Variants in ANO4 observed in about 807,000 individuals in gnomAD.
ANO4 encodes anoctamin-4.
ANO4 carries 69 observed loss-of-function variants against 141.9 expected under a neutral mutation model. The ratio of observed to expected loss-of-function variants is 0.49; its 90% CI spans 0.40 to 0.59. ANO4 has a LOEUF of 0.59. Among genes scored for constraint, ANO4 ranks in the 20% least tolerant of loss-of-function variants. ANO4 has a pLI of 0.00. For synonymous variants in ANO4, 350 were observed against 394.3 expected, an observed-to-expected ratio of 0.89 and a Z score of 1.33; for missense variants, 894 against 1,162.2, an observed-to-expected ratio of 0.77 and a Z score of 3.36.
intron 25 of ANO4, among the ~76,000 whole-genome samples, chr12:101,117,589 A>C (rs1223495989): frequency 6.6e-6 from 1 of 152,196 alleles, no homozygotes; most frequent in African/African-American, 2.4e-5. Flanking sequence ...TCACACCTGT[A>C]ATCCCAGCAC....
chr12:100,750,511 G>T (rs1362010858), intron 3 of ANO4, among the ~76,000 whole-genome samples: 1 of 152,036 alleles, frequency 6.6e-6, no homozygotes, highest in Non-Finnish European at 1.5e-5. Flanking sequence ...TTGGGATTCA[G>T]TACAAGACAC....
At chr12:101,082,907 C>T (rs937348610) in intron 15 of ANO4, among the ~76,000 whole-genome samples, 10 of 152,228 alleles carry the variant, frequency 6.6e-5, no homozygotes, top group Non-Finnish European at 1.0e-4. Flanking sequence ...GCTTAATTAA[C>T]GGGAACCACA....
chr12:100,824,691 G>C (rs981159543), intron 1 of ANO4, among the ~76,000 whole-genome samples: 2 of 152,036 alleles, frequency 1.3e-5, no homozygotes, highest in African/African-American at 4.8e-5. Context: ...AACATTGGCA[G>C]CCAGTGGGGA....
At position 101,097,630 on chromosome 12, in the gene ANO4, GT is replaced by G; in HGVS notation, c.1851-16del. The G allele has an allele frequency of 6.2e-7, 1 of 1,612,484 alleles. No homozygotes were observed. On this transcript the variant is annotated intron_variant, in intron 19 of 27. Coordinates refer to ENST00000392977, the MANE Select transcript of ANO4 (RefSeq NM_001286615.2). ...CTTGGACCTAGAGCACTAATGGCTT[GT>G]TTTTCTCTGTGTGTTGAAGATTTAC... is the stretch of plus-strand genomic sequence containing the variant.
intron 1 of ANO4, among the ~76,000 whole-genome samples, chr12:100,881,510 C>T (rs1405724048): frequency 6.6e-6 from 1 of 150,866 alleles, no homozygotes; most frequent in African/African-American, 2.4e-5. Flanking sequence ...CATAATGTAA[C>T]AGGATTTTCA....
rs145762360 is a variant in ANO4, at chr12:101,011,452, TCA to T, written c.735-8579_735-8578del. 1.7e-3 allele frequency among the ~76,000 whole-genome samples: 256 copies of T among 152,158 alleles called. 3 individuals carry two copies. The South Asian group carries it at 0.024, about 14-fold the overall frequency. The stretch of plus-strand genomic sequence containing the variant: ...GTCTCATCCCAATATTGCATCAGGT[TCA>T]CAGTCTTAGATCTCATGCTCTGCAT... On this transcript the variant is annotated intron_variant, in intron 8 of 27. Transcript: ENST00000392977.
intron 15 of ANO4, among the ~76,000 whole-genome samples, chr12:101,082,667 GGC>G (rs1258392014): frequency 1.2e-3 from 186 of 152,340 alleles, no homozygotes; most frequent in African/African-American, 4.4e-3. Flanking sequence ...CTAATTCAGT[GGC>G]AGGAGCCAGG....
chr12:101,024,205 G>T (rs754778846), intron 9 of ANO4, among the ~76,000 whole-genome samples: 1 of 152,180 alleles, frequency 6.6e-6, no homozygotes, highest in Non-Finnish European at 1.5e-5. Context: ...TTTGAATTTG[G>T]TGCTTAGAGG....
At chr12:100,876,278 CA>C (rs79799106) in intron 1 of ANO4, among the ~76,000 whole-genome samples, 6,299 of 91,884 alleles carry the variant, frequency 0.069, 215 homozygotes, top group Non-Finnish European at 0.099. Context: ...ATATAAAGAC[CA>C]AAAAAAAAAA....
intron 2 of ANO4, among the ~76,000 whole-genome samples, chr12:100,908,861 C>A (rs921820144): frequency 3.3e-5 from 5 of 152,178 alleles, no homozygotes; most frequent in African/African-American, 1.2e-4. Context: ...ATTTTCTGTT[C>A]CATCTGCCTG....
intron 3 of ANO4, among the ~76,000 whole-genome samples, chr12:100,922,839 T>G (rs2041689222): frequency 6.6e-6 from 1 of 152,278 alleles, no homozygotes; most frequent in African/African-American, 2.4e-5. Context: ...GTAATCAAGG[T>G]TTGCTCTTCT....
intron 8 of ANO4, among the ~76,000 whole-genome samples, chr12:101,002,516 G>T (rs542978856): frequency 6.6e-6 from 1 of 152,292 alleles, no homozygotes; most frequent in Admixed American, 6.5e-5. Context: ...TTGGGCTGGT[G>T]CTCCTGCAGC....
chr12:100,966,838 TACACAC>T (rs142044908), intron 5 of ANO4, among the ~76,000 whole-genome samples: 3,914 of 150,408 alleles, frequency 0.026, 154 homozygotes, highest in African/African-American at 0.088. Flanking sequence ...CACATATATA[TACACAC>T]ACACATATAC....
At chr12:100,836,160 T>A (rs534703722) in intron 1 of ANO4, among the ~76,000 whole-genome samples, 6 of 152,160 alleles carry the variant, frequency 3.9e-5, no homozygotes, top group Non-Finnish European at 8.8e-5. Flanking sequence ...TTCCTTTATA[T>A]TTCATTTATC....
Position 100,973,147 on chromosome 12 carries a change from C to T in ANO4, c.558-1698C>T, listed in dbSNP as rs564450152. Among the ~76,000 whole-genome samples the T allele has an allele frequency of 5.9e-5, 9 of 152,314 alleles. No individual in the cohort carries two copies. The South Asian group carries it at 1.0e-3, about 18-fold the overall frequency. Reference sequence around the variant, plus strand: ...GTTAATGTGTGACACTAATTGACCTCATTAATATTGATGTAGGTTTACCTA... The same window carrying T: ...GTTAATGTGTGACACTAATTGACCTTATTAATATTGATGTAGGTTTACCTA... On this transcript the variant is annotated intron_variant, in intron 6 of 27. Coordinates refer to ENST00000392977, the MANE Select transcript of ANO4 (RefSeq NM_001286615.2).
chr12:101,126,554 A>G (rs1226976733), intron 26 of ANO4, among the ~76,000 whole-genome samples: 8 of 152,244 alleles, frequency 5.3e-5, no homozygotes, highest in Non-Finnish European at 1.0e-4. Context: ...TCAGGTAGAC[A>G]GACAGCCCTT....
At chr12:100,780,362 G>A (rs2033676371) in intron 3 of ANO4, among the ~76,000 whole-genome samples, 1 of 152,116 alleles carries the variant, frequency 6.6e-6, no homozygotes, top group Non-Finnish European at 1.5e-5. Flanking sequence ...CACAGACAGA[G>A]CAGGGCTATC....
At chr12:101,008,403 A>G (rs1385689826) in intron 8 of ANO4, among the ~76,000 whole-genome samples, 1 of 152,156 alleles carries the variant, frequency 6.6e-6, no homozygotes. Flanking sequence ...TTTTTCAGTT[A>G]TAGCAGAATC....
intron 3 of ANO4, among the ~76,000 whole-genome samples, chr12:100,748,989 ATT>A (rs1158586788): frequency 6.6e-6 from 1 of 152,148 alleles, no homozygotes; most frequent in Non-Finnish European, 1.5e-5. Context: ...CAAGTAGGGC[ATT>A]TTTATGCATT....
Sources: allele counts gnomAD v4.1 joint callset (sites outside exome capture counted in the v4.1 genomes callset), GRCh38; gene constraint gnomAD v4.1.1; transcripts MANE v1.5; gene names NCBI Gene and HGNC (gene_info 2026-07-23, HGNC 2026-07-21).